The following CAMK1D variants were observed in gnomAD, a reference collection of about 807,000 sequenced individuals.
CAMK1D encodes the protein calcium/calmodulin dependent protein kinase ID, also known as calcium/calmodulin-dependent protein kinase type 1D.
CAMK1D carries 9 observed loss-of-function variants against 47.7 expected under a neutral mutation model. The observed-to-expected ratio is 0.19, with a 90% CI of 0.11 to 0.33. The LOEUF (loss-of-function observed/expected upper bound fraction) is 0.33. Among genes scored for constraint, CAMK1D ranks in the 10% least tolerant of loss-of-function variants. The pLI, the probability that CAMK1D is intolerant of heterozygous loss-of-function variation, is 1.00. For missense variants in CAMK1D, 291 were observed against 488.7 expected (o/e 0.60, Z 3.81); for synonymous variants, 184 against 184.9 (o/e 0.99, Z 0.04).
chr10:12,444,900 C>G (rs1010549946), intron 1 of CAMK1D, among the ~76,000 whole-genome samples: 1 of 152,168 alleles, frequency 6.6e-6, no homozygotes, highest in Non-Finnish European at 1.5e-5. Flanking sequence ...TTAGTTAAAT[C>G]TCTCTTGGAA....
At chr10:12,809,330 T>C (rs566515486) in intron 6 of CAMK1D, among the ~76,000 whole-genome samples, 25 of 152,152 alleles carry the variant, frequency 1.6e-4, no homozygotes, top group African/African-American at 5.8e-4. Context: ...GGGTGTAGAC[T>C]CTATGGAAAA....
chr10:12,549,441 C>T (rs976751120), intron 1 of CAMK1D, among the ~76,000 whole-genome samples: 46 of 152,286 alleles, frequency 3.0e-4, no homozygotes, highest in African/African-American at 1.1e-3. Context: ...ATATTTTATC[C>T]ATTTGTCCCC....
intron 2 of CAMK1D, among the ~76,000 whole-genome samples, chr10:12,647,986 A>G (rs1188560629): frequency 1.3e-5 from 2 of 152,214 alleles, no homozygotes; most frequent in African/African-American, 4.8e-5. Flanking sequence ...CTGGACAGTC[A>G]GAGATAGGAT....
At chr10:12,784,043 A>C (rs902824349) in intron 5 of CAMK1D, among the ~76,000 whole-genome samples, 1 of 152,124 alleles carries the variant, frequency 6.6e-6, no homozygotes, top group African/African-American at 2.4e-5. Context: ...TGATAAGCCG[A>C]TGGGATATTG....
chr10:12,387,909 G>T (rs951789669), intron 1 of CAMK1D, among the ~76,000 whole-genome samples: 1 of 151,926 alleles, frequency 6.6e-6, no homozygotes, highest in Admixed American at 6.6e-5. Flanking sequence ...TTTCCCTTTC[G>T]CCCCTGCTGG....
intron 3 of CAMK1D, among the ~76,000 whole-genome samples, chr10:12,755,184 G>T (rs944884425): frequency 6.6e-6 from 1 of 152,172 alleles, no homozygotes; most frequent in African/African-American, 2.4e-5. Flanking sequence ...TGAGGGGAGA[G>T]GTTGCATGAA....
At chr10:12,695,623 A>C (rs1833260212) in intron 3 of CAMK1D, among the ~76,000 whole-genome samples, 1 of 152,186 alleles carries the variant, frequency 6.6e-6, no homozygotes, top group South Asian at 2.1e-4. Flanking sequence ...CAGTGCCGTG[A>C]AAAAGTGCCC....
intron 3 of CAMK1D, among the ~76,000 whole-genome samples, chr10:12,732,350 G>A (rs1256165289): frequency 6.6e-6 from 1 of 152,202 alleles, no homozygotes; most frequent in Admixed American, 6.5e-5. Flanking sequence ...TAGACAGTAT[G>A]ACAGTGAGTG....
At chr10:12,555,459 T>C (rs10906166) in intron 2 of CAMK1D, among the ~76,000 whole-genome samples, 52,988 of 152,146 alleles carry the variant, frequency 0.35, 9,619 homozygotes, top group Non-Finnish European at 0.4. Context: ...GGATTGTCTA[T>C]TAGGAACCCA....
chr10:12,694,315 A>AT (rs1833136471), intron 3 of CAMK1D, among the ~76,000 whole-genome samples: 1 of 61,114 alleles, frequency 1.6e-5, no homozygotes, highest in African/African-American at 6.6e-5. Context: ...AAATATATAA[A>AT]ATATAATATA....
chr10:12,592,208 CA>C (rs1349733565), intron 2 of CAMK1D, among the ~76,000 whole-genome samples: 1 of 152,158 alleles, frequency 6.6e-6, no homozygotes, highest in African/African-American at 2.4e-5. Context: ...ACTTTCATTT[CA>C]TCATCTCCCT....
chr10:12,737,624 G>A (rs1040100811), intron 3 of CAMK1D, among the ~76,000 whole-genome samples: 1 of 152,036 alleles, frequency 6.6e-6, no homozygotes, highest in African/African-American at 2.4e-5. Context: ...CCACTGCTCT[G>A]CCATCCCTTC....
At chr10:12,639,817 A>G (rs1048778340) in intron 2 of CAMK1D, among the ~76,000 whole-genome samples, 2 of 152,092 alleles carry the variant, frequency 1.3e-5, no homozygotes, top group African/African-American at 4.8e-5. Flanking sequence ...TTATTTAACA[A>G]TCAAATGACT....
At chr10:12,667,379 T>G (rs1840467402) in intron 3 of CAMK1D, among the ~76,000 whole-genome samples, 1 of 152,224 alleles carries the variant, frequency 6.6e-6, no homozygotes, top group Non-Finnish European at 1.5e-5. Context: ...ATTTTTGCAT[T>G]CCATTAACAC....
At chr10:12,663,694 G>A (rs1260444094) in intron 2 of CAMK1D, among the ~76,000 whole-genome samples, 1 of 152,150 alleles carries the variant, frequency 6.6e-6, no homozygotes, top group Non-Finnish European at 1.5e-5. Flanking sequence ...TTTATTGAAT[G>A]AATAATGAAA....
chr10:12,710,824 C>G (rs1272059070), intron 3 of CAMK1D, among the ~76,000 whole-genome samples: 2 of 152,120 alleles, frequency 1.3e-5, no homozygotes, highest in East Asian at 1.9e-4. Context: ...GAACACAACC[C>G]CACCGGCGAT....
chr10:12,685,710 T>C (rs1191985495), intron 3 of CAMK1D, among the ~76,000 whole-genome samples: 1 of 152,134 alleles, frequency 6.6e-6, no homozygotes, highest in Non-Finnish European at 1.5e-5. Context: ...TTCTCAATCA[T>C]CCTGGGCTGG....
chr10:12,710,400 A>G (rs899514702), intron 3 of CAMK1D, among the ~76,000 whole-genome samples: 1 of 152,220 alleles, frequency 6.6e-6, no homozygotes, highest in African/African-American at 2.4e-5. Flanking sequence ...TTGAGCATCT[A>G]TTATATGCTA....
intron 1 of CAMK1D, among the ~76,000 whole-genome samples, chr10:12,541,857 TCCTTCCTTCCTTCCTTCCTTC>T (rs1383010250): frequency 5.7e-5 from 8 of 140,410 alleles, no homozygotes; most frequent in African/African-American, 2.3e-4. Flanking sequence ...CTTCCTTCCT[TCCTTCCTTCCTTCCTTCCTTC>T]CTTCCTTCCT....
Sources: allele counts gnomAD v4.1 joint callset (sites outside exome capture counted in the v4.1 genomes callset), GRCh38; gene constraint gnomAD v4.1.1; transcripts MANE v1.5; gene names NCBI Gene and HGNC (gene_info 2026-07-23, HGNC 2026-07-21).